The following NRXN3 variants were observed in gnomAD, a reference collection of about 807,000 sequenced individuals.
NRXN3 encodes the protein neurexin 3, also known as neurexin III.
A neutral mutation model predicts 137.6 loss-of-function variants in NRXN3; 32 were observed. The ratio of observed to expected loss-of-function variants is 0.23; its 90% CI spans 0.18 to 0.31. The LOEUF is 0.31. NRXN3 is among the 10% of genes least tolerant of loss of function. The probability of loss-of-function intolerance (pLI) is 1.00; values close to 1 mark genes in which losing one functional copy is unlikely to be tolerated. For synonymous variants in NRXN3, 798 were observed against 784.5 expected (o/e 1.02, Z -0.29); for missense variants, 1,574 against 2,062.5 (o/e 0.76, Z 4.59).
intron 10 of NRXN3, among the ~76,000 whole-genome samples, chr14:78,869,096 A>G (rs1034264423): frequency 2.0e-5 from 3 of 152,164 alleles, no homozygotes; most frequent in African/African-American, 7.2e-5. Context: ...AATGCCTAGG[A>G]TAGACAAAAA....
At chr14:79,615,685 G>A (rs748013613) in intron 16 of NRXN3, among the ~76,000 whole-genome samples, 1 of 152,022 alleles carries the variant, frequency 6.6e-6, no homozygotes, top group African/African-American at 2.4e-5. Context: ...CAGAGTGAAG[G>A]GGGGAAAAGC....
chr14:78,380,301 C>A (rs2088817679), intron 4 of NRXN3, among the ~76,000 whole-genome samples: 1 of 94,086 alleles, frequency 1.1e-5, no homozygotes, highest in African/African-American at 3.9e-5. Context: ...GAGCGAGACT[C>A]CGTCTCAAAA....
At chr14:78,806,869 C>G (rs373889849) in intron 9 of NRXN3, among the ~76,000 whole-genome samples, 1 of 152,078 alleles carries the variant, frequency 6.6e-6, no homozygotes, top group Non-Finnish European at 1.5e-5. Flanking sequence ...GGATCTCATG[C>G]GATTAATGAT....
At chr14:78,330,137 A>C (rs2080619678) in intron 4 of NRXN3, among the ~76,000 whole-genome samples, 1 of 152,136 alleles carries the variant, frequency 6.6e-6, no homozygotes, top group African/African-American at 2.4e-5. Context: ...GAATATTTTA[A>C]AATCTTAGGA....
intron 10 of NRXN3, among the ~76,000 whole-genome samples, chr14:78,815,819 T>A (rs561168512): frequency 6.6e-6 from 1 of 152,290 alleles, no homozygotes; most frequent in South Asian, 2.1e-4. Context: ...TCACTAAAAG[T>A]CATTCTCAAA....
At chr14:79,517,269 A>C (rs1315863114) in intron 16 of NRXN3, among the ~76,000 whole-genome samples, 1 of 152,188 alleles carries the variant, frequency 6.6e-6, no homozygotes, top group African/African-American at 2.4e-5. Context: ...GGAACTTTTT[A>C]GAAATCGTTT....
In NRXN3 at chr14:78,243,148, G is replaced by C; in HGVS notation, c.55G>C (p.Gly19Arg). The change falls in exon 2 of 21, where the codon GGG becomes CGG. Residue 19 changes from glycine (G) to arginine (R), a missense_variant. Gly to Arg is a moderately radical substitution (Grantham distance 125). Around this residue, in one of 5 missense-constraint regions of NRXN3, gnomAD observed 400 missense variants for 527.3 expected, o/e 0.76. Transcript: ENST00000335750. This position sits in a 1 kb window ranked among gnomAD's most constrained non-coding sequence, Gnocchi z 4.2. Reference protein sequence around the residue: ...FFTLKVSILLGSLLGLCLGLE... With the variant: ...FFTLKVSILLRSLLGLCLGLE... ...CACCCTGAAGGTCAGCATCCTGCTG[G>C]GGTCCCTGCTGGGGCTCTGCCTGGG... is the stretch of plus-strand genomic sequence containing the variant. The C allele has an allele frequency of 6.5e-7, 1 of 1,546,588 alleles. No homozygotes were observed. Among genetic ancestry groups the C allele is most frequent in the Non-Finnish European group, 8.7e-7 (1 of 1,153,088 alleles).
intron 16 of NRXN3, among the ~76,000 whole-genome samples, chr14:79,608,299 T>C (rs917127869): frequency 3.3e-5 from 5 of 152,284 alleles, no homozygotes; most frequent in African/African-American, 1.2e-4. Flanking sequence ...TATGATTTGT[T>C]TTATCTTTCC....
chr14:78,842,373 G>A (rs2099015052), intron 10 of NRXN3, among the ~76,000 whole-genome samples: 1 of 152,092 alleles, frequency 6.6e-6, no homozygotes, highest in Non-Finnish European at 1.5e-5. Flanking sequence ...ATGCCCCCAA[G>A]CCACAAAACC....
In NRXN3 at chr14:79,818,141, C is replaced by T. The variant is rs1197834287; in HGVS notation, c.4093+12951C>T. 4.9e-4 allele frequency among the ~76,000 whole-genome samples: 74 copies of T among 150,810 alleles called. 1 individual carries two copies. Among genetic ancestry groups the T allele is most frequent in the Non-Finnish European group, 1.8e-4 (12 of 67,782 alleles). On this transcript the variant is annotated intron_variant, in intron 20 of 20. Coordinates refer to ENST00000335750, the MANE Select transcript of NRXN3 (RefSeq NM_001330195.2). ...CGATCTCGGCTCACTGCAAGCTCCG[C>T]CTCCCGGGTTCACGCCATTCTCCTG...
At chr14:78,310,199 C>G (rs909152295) in intron 4 of NRXN3, among the ~76,000 whole-genome samples, 5 of 149,048 alleles carry the variant, frequency 3.4e-5, no homozygotes, top group Admixed American at 1.3e-4. Context: ...CAACAGTCAT[C>G]ATGGTTATTT....
intron 10 of NRXN3, among the ~76,000 whole-genome samples, chr14:78,923,711 C>T (rs753003992): frequency 6.6e-6 from 1 of 152,138 alleles, no homozygotes; most frequent in Non-Finnish European, 1.5e-5. Flanking sequence ...GTGCGTGTGC[C>T]TGAGCATTTA....
At chr14:79,062,157 G>T (rs1012139385) in intron 15 of NRXN3, among the ~76,000 whole-genome samples, 2 of 152,084 alleles carry the variant, frequency 1.3e-5, no homozygotes, top group African/African-American at 4.8e-5. Context: ...GCAAAAACAA[G>T]GCAGGCTTTT....
chr14:78,692,394 A>G (rs1282709742), intron 6 of NRXN3, among the ~76,000 whole-genome samples: 1 of 152,214 alleles, frequency 6.6e-6, no homozygotes, highest in Non-Finnish European at 1.5e-5. Context: ...TTTATATTAC[A>G]AGAAAAATTG....
At chr14:78,196,553 C>T (rs1320388493) in intron 1 of NRXN3, among the ~76,000 whole-genome samples, 1 of 152,192 alleles carries the variant, frequency 6.6e-6, no homozygotes, top group African/African-American at 2.4e-5. Context: ...ACACATATGA[C>T]TGTAGTATGG....
At chr14:79,238,174 C>T (rs183260480) in intron 15 of NRXN3, among the ~76,000 whole-genome samples, 11 of 152,082 alleles carry the variant, frequency 7.2e-5, no homozygotes, top group African/African-American at 2.7e-4. Context: ...TAATGCTCTC[C>T]TATCACCACC....
intron 4 of NRXN3, among the ~76,000 whole-genome samples, chr14:78,606,445 T>C (rs1229630974): frequency 6.6e-6 from 1 of 152,202 alleles, no homozygotes; most frequent in Non-Finnish European, 1.5e-5. Flanking sequence ...AGCTCTTTAA[T>C]CACTGAGAAA....
intron 15 of NRXN3, among the ~76,000 whole-genome samples, chr14:79,445,366 GA>G (rs1031432483): frequency 6.6e-6 from 1 of 151,572 alleles, no homozygotes; most frequent in Admixed American, 6.6e-5. Flanking sequence ...AAGAAAAAAA[GA>G]AAAAAAATGT....
At chr14:79,013,957 G>A (rs2099575138) in intron 15 of NRXN3, among the ~76,000 whole-genome samples, 1 of 152,068 alleles carries the variant, frequency 6.6e-6, no homozygotes, top group Non-Finnish European at 1.5e-5. Flanking sequence ...TACAACACCT[G>A]GACTTCTCAA....
Sources: gnomAD v4.1 joint callset for allele counts (sites outside exome capture counted in the v4.1 genomes callset) on GRCh38, gnomAD v4.1.1 for gene constraint, gnomAD v4.1.1 regional missense constraint, Gnocchi (gnomAD v3.1) non-coding constraint, MANE v1.5 for transcripts, NCBI Gene and HGNC (gene_info 2026-07-23, HGNC 2026-07-21) for gene names.